The following ANAPC7 variants were observed in gnomAD, a reference collection of about 807,000 sequenced individuals.
The protein encoded by ANAPC7 is anaphase-promoting complex subunit 7.
ANAPC7 carries 25 observed loss-of-function variants against 63.3 expected under a neutral mutation model. The ratio of observed to expected loss-of-function variants is 0.39; its 90% CI spans 0.29 to 0.55. The LOEUF (loss-of-function observed/expected upper bound fraction) is 0.55, where lower values mean the gene tolerates loss of function less well. Among genes scored for constraint, ANAPC7 ranks in the 20% least tolerant of loss-of-function variants. The pLI is 0.57. For synonymous variants in ANAPC7, 241 were observed against 251.7 expected, an observed-to-expected ratio of 0.96 and a Z score of 0.40; for missense variants, 516 against 691.7, an observed-to-expected ratio of 0.75 and a Z score of 2.85.
intron 1 of ANAPC7, among the ~76,000 whole-genome samples, chr12:110,398,570 C>A (rs1326039176): frequency 6.6e-6 from 1 of 152,176 alleles, no homozygotes; most frequent in Non-Finnish European, 1.5e-5. Context: ...AGTTGACCAC[C>A]ATTCCTAATG....
In ANAPC7 at chr12:110,373,965, G is replaced by A. The variant is rs565988217; in HGVS notation, c.*179C>T. On this transcript the variant is annotated 3_prime_UTR_variant, in exon 11 of 11. Coordinates refer to ENST00000455511, the MANE Select transcript of ANAPC7 (RefSeq NM_016238.3). ...GAGGATGGAGATACATGGAAGGTTG[G>A]TCAGGCTCTGTTTTAGAAATGAAGT... 11 of 633,078 alleles carry A rather than the reference G, an allele frequency of 1.7e-5. No individual in the cohort carries two copies. The highest frequency in any genetic ancestry group is 1.5e-4 in the African/African-American group (8 of 53,364). The allele number at this position is 633,078 out of a possible 1,614,324, so 39.2% of individuals were successfully genotyped here. A position where few individuals can be genotyped will look rare whatever the true frequency, so the allele number is the denominator to read the frequency against.
intron 2 of ANAPC7, 29 bp downstream of exon 2, chr12:110,396,237 A>T: frequency 6.3e-7 from 1 of 1,584,888 alleles, no homozygotes; most frequent in Non-Finnish European, 8.5e-7. Context: ...AAAAAAAAAA[A>T]AAAAAATCAC....
At chr12:110,384,687 AAAAAAAAAC>A (rs1466772917) in intron 6 of ANAPC7, among the ~76,000 whole-genome samples, 14 of 140,904 alleles carry the variant, frequency 9.9e-5, no homozygotes, top group African/African-American at 1.7e-4. Context: ...AAAAAAAAAC[AAAAAAAAAC>A]AAAAAAAACA....
rs1214390709 is a variant in ANAPC7 at position 110,393,947 on chromosome 12, C to T, written c.408+1154G>A. Among the ~76,000 whole-genome samples the T allele has an allele frequency of 2.7e-5, 4 of 147,266 alleles. No individual in the cohort carries two copies. The East Asian group carries it at 8.1e-4, about 30-fold the overall frequency. On this transcript the variant is annotated intron_variant, in intron 3 of 10. Transcript: ENST00000455511. The stretch of plus-strand genomic sequence containing the variant: ...TAGCACTTTGGGAGGCCGTGGCAGG[C>T]GAATCACAAAGTCAGGAGTTCGAGA...
intron 8 of ANAPC7, among the ~76,000 whole-genome samples, chr12:110,379,622 T>C (rs184394299): frequency 7.4e-4 from 113 of 152,330 alleles, no homozygotes; most frequent in African/African-American, 2.6e-3. Context: ...GACAATACTC[T>C]TTCCCCCTCA....
chr12:110,397,850 G>A (rs1196518794), intron 1 of ANAPC7, among the ~76,000 whole-genome samples: 1 of 151,454 alleles, frequency 6.6e-6, no homozygotes. Context: ...AGCCGAGATT[G>A]CGCCACTACA....
chr12:110,384,934 AG>A (rs1258848845), intron 6 of ANAPC7, among the ~76,000 whole-genome samples: 1 of 152,178 alleles, frequency 6.6e-6, no homozygotes, highest in Non-Finnish European at 1.5e-5. Flanking sequence ...TCCAGAAAAA[AG>A]CTTGTAGTTC....
At chr12:110,386,777 GTAAACGACTTTGCA>G in intron 5 of ANAPC7, 1 of 218,828 alleles carries the variant, frequency 4.6e-6, no homozygotes, top group Non-Finnish European at 8.9e-6. Flanking sequence ...TATTACTCAA[GTAAACGACTTTGCA>G]TAACACAAGC....
chr12:110,389,442 G>C (rs1200554060), intron 3 of ANAPC7, among the ~76,000 whole-genome samples: 1 of 152,156 alleles, frequency 6.6e-6, no homozygotes, highest in Admixed American at 6.5e-5. Context: ...TCGACTTGTG[G>C]CTAGACTCTA....
rs201481931 is a variant in ANAPC7 at position 110,403,622 on chromosome 12, A to G, written c.6T>C (p.Asn2=). M[N]VIDHVRDMAA... Reference sequence around the variant, plus strand: ...CCATGTCCCGCACGTGGTCTATCACATTCATCCTGCTCTGCAAAGCCGCGG... The same window carrying G: ...CCATGTCCCGCACGTGGTCTATCACGTTCATCCTGCTCTGCAAAGCCGCGG... The change falls in exon 1 of 11, where the codon AAT becomes AAC. Residue 2 remains asparagine, a synonymous_variant. Coordinates refer to ENST00000455511, the MANE Select transcript of ANAPC7 (RefSeq NM_016238.3). 25 of 1,603,644 alleles carry G rather than the reference A, an allele frequency of 1.6e-5. No individual in the cohort carries two copies. Among genetic ancestry groups the G allele is most frequent in the Non-Finnish European group, 2.0e-5 (24 of 1,175,326 alleles).
At chr12:110,396,973 G>A (rs1269574410) in intron 1 of ANAPC7, among the ~76,000 whole-genome samples, 1 of 152,068 alleles carries the variant, frequency 6.6e-6, no homozygotes, top group Admixed American at 6.6e-5. Context: ...GGAGGCTGAG[G>A]GGGGCGGATC....
At chr12:110,376,999 T>C (rs929001718) in intron 9 of ANAPC7, among the ~76,000 whole-genome samples, 1 of 151,742 alleles carries the variant, frequency 6.6e-6, no homozygotes, top group African/African-American at 2.4e-5. Context: ...TAGCTGGGCA[T>C]GGTGGTGCAC....
At chr12:110,383,028 T>C (rs756958004) in intron 6 of ANAPC7, 68 bp from the exon 7 acceptor site, 10 of 1,234,210 alleles carry the variant, frequency 8.1e-6, no homozygotes, top group Non-Finnish European at 1.0e-5. Context: ...CATACAGGAG[T>C]AGCACCCAAC....
At chr12:110,397,488 G>A (rs1469971398) in intron 1 of ANAPC7, among the ~76,000 whole-genome samples, 2 of 151,592 alleles carry the variant, frequency 1.3e-5, no homozygotes, top group East Asian at 3.9e-4. Context: ...AGGAGGTGGA[G>A]GTTATAGTAA....
rs777343991 is a variant in ANAPC7 at position 110,376,254 on chromosome 12, C to CA, written c.1358-39dup. The CA allele has an allele frequency of 2.8e-5, 45 of 1,605,450 alleles. 1 individual carries two copies. In the Middle Eastern group the frequency reaches 5.0e-4, roughly 18 times the overall value. On this transcript the variant is annotated intron_variant, in intron 9 of 10. Coordinates refer to ENST00000455511, the MANE Select transcript of ANAPC7 (RefSeq NM_016238.3). ...AAAAGACCCTCACTTAAGTCATGTA[C>CA]AAAAAAACCACAACTACCATTCTGA...
chr12:110,387,540 C>T, intron 5 of ANAPC7, 199 bp downstream of exon 5: 2 of 502,116 alleles, frequency 4.0e-6, no homozygotes, highest in Non-Finnish European at 6.7e-6. Context: ...AGTCAGATTT[C>T]TATTTTTACA....
chr12:110,375,803 A>G, intron 10 of ANAPC7: 4 of 1,136,300 alleles, frequency 3.5e-6, no homozygotes, highest in Non-Finnish European at 4.3e-6. Flanking sequence ...CAAGGACAGA[A>G]GATGAGCTAT....
chr12:110,374,490 T>C (rs1347614491), intron 10 of ANAPC7, among the ~76,000 whole-genome samples, 157 bp from the exon 11 acceptor site: 1 of 152,078 alleles, frequency 6.6e-6, no homozygotes, highest in Non-Finnish European at 1.5e-5. Context: ...CAAGGCTGGG[T>C]TGAGGGAGTC....
In ANAPC7 at chr12:110,381,959, A is replaced by G. The variant is rs777720148; in HGVS notation, c.936-11T>C. On this transcript the variant is annotated splice_polypyrimidine_tract_variant and intron_variant, in intron 7 of 10. Coordinates refer to ENST00000455511, the MANE Select transcript of ANAPC7 (RefSeq NM_016238.3). The stretch of plus-strand genomic sequence containing the variant: ...TAGAAGCTGTGACAGCTGGAGAAAA[A>G]AAAAAAAAAAAAAACACAAAAACCC... 1,816 of 1,455,012 alleles carry G rather than the reference A, an allele frequency of 1.2e-3. 1 individual carries two copies. Among genetic ancestry groups the G allele is most frequent in the Admixed American group, 1.6e-3 (62 of 39,248 alleles). The allele number at this position is 1,455,012 out of a possible 1,614,324, so 90.1% of individuals were successfully genotyped here.
Sources: gnomAD v4.1 joint callset for allele counts (sites outside exome capture counted in the v4.1 genomes callset) on GRCh38, gnomAD v4.1.1 for gene constraint, MANE v1.5 for transcripts, NCBI Gene and HGNC (gene_info 2026-07-23, HGNC 2026-07-21) for gene names.